The following SLC4A10 variants were observed in gnomAD, a reference collection of about 807,000 sequenced individuals.
SLC4A10 encodes sodium-driven chloride bicarbonate exchanger.
Under a neutral mutation model 137.7 loss-of-function variants are expected in SLC4A10, and 42 were observed. The ratio of observed to expected loss-of-function variants is 0.30; its 90% CI spans 0.24 to 0.39. The LOEUF (loss-of-function observed/expected upper bound fraction) is 0.39, where lower values mean the gene tolerates loss of function less well. Among genes scored for constraint, SLC4A10 ranks in the 10% least tolerant of loss-of-function variants. The pLI, the probability that SLC4A10 is intolerant of heterozygous loss-of-function variation, is 1.00. For missense variants in SLC4A10, 925 were observed against 1,355.0 expected (o/e 0.68, Z 4.98); for synonymous variants, 474 against 464.1 (o/e 1.02, Z -0.27).
chr2:161,918,358 G>T (rs1386734561), intron 15 of SLC4A10, among the ~76,000 whole-genome samples: 4 of 152,018 alleles, frequency 2.6e-5, no homozygotes, highest in Non-Finnish European at 5.9e-5. Context: ...GTTTTACCAT[G>T]TTAGCCAGGC....
intron 15 of SLC4A10, among the ~76,000 whole-genome samples, chr2:161,919,977 G>A (rs13422374): frequency 0.016 from 2,481 of 152,318 alleles, 69 homozygotes; most frequent in African/African-American, 0.057. Flanking sequence ...GTGGCTTGCA[G>A]TATGCCTGGT....
chr2:161,843,116 G>A (rs2059286140), intron 4 of SLC4A10, among the ~76,000 whole-genome samples: 1 of 152,146 alleles, frequency 6.6e-6, no homozygotes, highest in Non-Finnish European at 1.5e-5. Flanking sequence ...ATTTGGGCAA[G>A]AGTAACTCAC....
chr2:161,629,190 A>G (rs140642561), intron 1 of SLC4A10, among the ~76,000 whole-genome samples: 26 of 152,030 alleles, frequency 1.7e-4, no homozygotes, highest in African/African-American at 6.3e-4. Flanking sequence ...TCCTGTGAGG[A>G]CACCATTGTC....
At chr2:161,733,468 A>C (rs1016935503) in intron 1 of SLC4A10, among the ~76,000 whole-genome samples, 1 of 152,224 alleles carries the variant, frequency 6.6e-6, no homozygotes, top group African/African-American at 2.4e-5. Flanking sequence ...ACCTCTGCCT[A>C]GATTTCAGAG....
chr2:161,844,216 C>T (rs1467124133), intron 4 of SLC4A10, among the ~76,000 whole-genome samples: 1 of 151,990 alleles, frequency 6.6e-6, no homozygotes, highest in Non-Finnish European at 1.5e-5. Context: ...ACATACATGG[C>T]AGAATAGAAA....
chr2:161,841,595 T>A (rs572905391), intron 4 of SLC4A10, among the ~76,000 whole-genome samples: 1 of 152,332 alleles, frequency 6.6e-6, no homozygotes, highest in African/African-American at 2.4e-5. Context: ...TGAAAAAGAA[T>A]GTTGTGAATA....
At chr2:161,944,200 C>T (rs886197281) in intron 16 of SLC4A10, among the ~76,000 whole-genome samples, 3 of 151,564 alleles carry the variant, frequency 2.0e-5, no homozygotes, top group African/African-American at 7.3e-5. Flanking sequence ...CAAGAAAAAA[C>T]ACTATAGTTA....
chr2:161,766,393 G>A (rs914835634), intron 1 of SLC4A10, among the ~76,000 whole-genome samples: 1 of 152,026 alleles, frequency 6.6e-6, no homozygotes, highest in African/African-American at 2.4e-5. Flanking sequence ...AATTGATTCA[G>A]GTTCTTGAAA....
At chr2:161,727,143 T>C (rs1395024399) in intron 1 of SLC4A10, among the ~76,000 whole-genome samples, 2 of 152,196 alleles carry the variant, frequency 1.3e-5, no homozygotes, top group African/African-American at 2.4e-5. Flanking sequence ...TAAGAACAGA[T>C]GGATTCAGTG....
chr2:161,760,057 A>C (rs1392803342), intron 1 of SLC4A10, among the ~76,000 whole-genome samples: 1 of 151,934 alleles, frequency 6.6e-6, no homozygotes, highest in Non-Finnish European at 1.5e-5. Context: ...GTGTGTGGGC[A>C]TGAATTTTCT....
At chr2:161,718,819 T>G (rs548500944) in intron 1 of SLC4A10, among the ~76,000 whole-genome samples, 1 of 152,316 alleles carries the variant, frequency 6.6e-6, no homozygotes, top group South Asian at 2.1e-4. Flanking sequence ...GTTCACTTGA[T>G]GCAGAGCTGA....
Position 161,849,959 on chromosome 2 carries a change from A to C in SLC4A10, c.417-5011A>C, listed in dbSNP as rs561981050. Among the ~76,000 whole-genome samples, 12 of 152,230 alleles carry C rather than the reference A, an allele frequency of 7.9e-5. No individual in the cohort carries two copies. In the East Asian group the frequency reaches 1.4e-3, roughly 17 times the overall value. ...CCTCCTTGTTTTTTGGAATAGTTTC[A>C]GTATCCGTTCTTCTTTACACATCTG... On this transcript the variant is annotated intron_variant, in intron 4 of 26. Transcript: ENST00000446997.
At chr2:161,728,460 C>T (rs1247192538) in intron 1 of SLC4A10, among the ~76,000 whole-genome samples, 1 of 151,994 alleles carries the variant, frequency 6.6e-6, no homozygotes, top group Non-Finnish European at 1.5e-5. Flanking sequence ...CCTGTAGTCC[C>T]AGCTACTGGG....
chr2:161,926,119 G>T (rs927804224), intron 15 of SLC4A10, among the ~76,000 whole-genome samples: 2 of 151,996 alleles, frequency 1.3e-5, no homozygotes, highest in African/African-American at 4.8e-5. Flanking sequence ...TCAACTTTCT[G>T]TCTCGTTGAT....
chr2:161,661,832 A>C (rs1341809836), intron 1 of SLC4A10, among the ~76,000 whole-genome samples: 1 of 151,714 alleles, frequency 6.6e-6, no homozygotes, highest in Non-Finnish European at 1.5e-5. Context: ...AGATTTCAGC[A>C]AAAAAAATAT....
intron 1 of SLC4A10, among the ~76,000 whole-genome samples, chr2:161,699,330 A>G (rs1439623191): frequency 2.6e-5 from 4 of 152,024 alleles, no homozygotes; most frequent in Admixed American, 6.6e-5. Context: ...GACATTTATT[A>G]TATTTCTCTT....
intron 2 of SLC4A10, among the ~76,000 whole-genome samples, chr2:161,801,396 C>G (rs1375404172): frequency 6.6e-6 from 1 of 151,920 alleles, no homozygotes; most frequent in Non-Finnish European, 1.5e-5. Flanking sequence ...TTTCTCTTAT[C>G]TTTCTATTTC....
chr2:161,882,753 T>C (rs1290620053), intron 10 of SLC4A10, among the ~76,000 whole-genome samples: 3 of 152,104 alleles, frequency 2.0e-5, no homozygotes, highest in African/African-American at 7.2e-5. Flanking sequence ...TTAATATCAA[T>C]GGAAATCTTG....
intron 5 of SLC4A10, among the ~76,000 whole-genome samples, chr2:161,862,000 A>G (rs903727984): frequency 1.3e-5 from 2 of 152,328 alleles, no homozygotes; most frequent in South Asian, 4.1e-4. Context: ...GTTAATGCCT[A>G]AAAAACAATT....
Sources: allele counts gnomAD v4.1 joint callset (sites outside exome capture counted in the v4.1 genomes callset), GRCh38; gene constraint gnomAD v4.1.1; transcripts MANE v1.5; gene names NCBI Gene and HGNC (gene_info 2026-07-23, HGNC 2026-07-21).